AP2A2: variants seen among roughly 807,000 people sequenced by gnomAD.
AP2A2 encodes AP-2 complex subunit alpha-2.
A neutral mutation model predicts 104.2 loss-of-function variants in AP2A2; 32 were observed. The ratio of observed to expected loss-of-function variants is 0.31; its 90% CI spans 0.23 to 0.41. The LOEUF is 0.41. Ranked by LOEUF, AP2A2 falls within the 10% of genes least tolerant of loss-of-function variation. The probability of loss-of-function intolerance (pLI) is 1.00; values close to 1 mark genes in which losing one functional copy is unlikely to be tolerated. For synonymous variants in AP2A2, 539 were observed against 533.3 expected, an observed-to-expected ratio of 1.01 and a Z score of -0.15; for missense variants, 912 against 1,261.0, an observed-to-expected ratio of 0.72 and a Z score of 4.19.
At chr11:954,920 A>G (rs185798221) in intron 1 of AP2A2, among the ~76,000 whole-genome samples, 5 of 152,318 alleles carry the variant, frequency 3.3e-5, no homozygotes, top group Admixed American at 3.3e-4. Flanking sequence ...ACAACCTTAT[A>G]TAAAATCTGT....
At chr11:963,263 T>TA (rs1854499622) in intron 2 of AP2A2, among the ~76,000 whole-genome samples, 1 of 151,822 alleles carries the variant, frequency 6.6e-6, no homozygotes, top group Non-Finnish European at 1.5e-5. Flanking sequence ...CCGTGTCTAT[T>TA]AAAGATACAA....
At chr11:988,832 T>A in intron 10 of AP2A2, 143 bp downstream of exon 10, 1 of 1,117,128 alleles carries the variant, frequency 9.0e-7, no homozygotes, top group Non-Finnish European at 1.3e-6. Flanking sequence ...TCTGCCTCTG[T>A]GTTTTCATCC....
rs369564159 is a variant in AP2A2, at chr11:993,423, G to T, written c.1550+42G>T. On this transcript the variant is annotated intron_variant, in intron 12 of 21. Coordinates refer to ENST00000448903, the MANE Select transcript of AP2A2 (RefSeq NM_012305.4). The surrounding 1 kb of genome is among the most constrained non-coding windows in gnomAD (Gnocchi z 8.2). ...GAGTCGGGGCTGTGTGCGCTCCGGCGGGCCTCTCGGTGGTCGGTGGCAAGA... is the reference window on the plus strand; with the variant it reads ...GAGTCGGGGCTGTGTGCGCTCCGGCTGGCCTCTCGGTGGTCGGTGGCAAGA... The T allele has an allele frequency of 4.7e-6, 7 of 1,491,162 alleles. No individual in the cohort carries two copies. Among genetic ancestry groups the T allele is most frequent in the Non-Finnish European group, 6.3e-6 (7 of 1,112,282 alleles). The allele number at this position is 1,491,162 out of a possible 1,614,324, so 92.4% of individuals were successfully genotyped here. A position where few individuals can be genotyped will look rare whatever the true frequency, so the allele number is the denominator to read the frequency against.
Position 968,375 on chromosome 11 carries a change from G to T in AP2A2, c.137-1794G>T, listed in dbSNP as rs902626855. Among the ~76,000 whole-genome samples the T allele has an allele frequency of 6.6e-6, 1 of 152,078 alleles. No individual in the cohort carries two copies. The highest frequency in any genetic ancestry group is 1.5e-5 in the Non-Finnish European group (1 of 68,002). Reference sequence around the variant, plus strand: ...GCAGCTCTTCGTCTGGGGTCCCGCGGGAGCAGAGGCTGGTCGGCTCCTCTC... The same window carrying T: ...GCAGCTCTTCGTCTGGGGTCCCGCGTGAGCAGAGGCTGGTCGGCTCCTCTC... On this transcript the variant is annotated intron_variant, in intron 2 of 21. Transcript: ENST00000448903. The surrounding 1 kb of genome is among the most constrained non-coding windows in gnomAD (Gnocchi z 4.2).
In AP2A2 at chr11:994,174, G is replaced by A; in HGVS notation, c.1885G>A (p.Asp629Asn). Residue 629 changes from aspartate to asparagine, a missense_variant, in exon 14 of 22, where the codon GAC (aspartate) becomes AAC (asparagine). This residue lies in a region of AP2A2 where 105 missense variants were observed against 90.9 expected (regional missense o/e 1.16). Transcript: ENST00000448903. ...KGPSTVTDLE[D>N]TKRDRSVDVN... The stretch of plus-strand genomic sequence containing the variant: ...CCCCAGCACGGTGACAGACCTGGAG[G>A]ACACCAAGCGGGACAGGAGTGTGGA... 1 of 1,613,078 alleles carries A rather than the reference G, an allele frequency of 6.2e-7. No individual in the cohort carries two copies. Among genetic ancestry groups the A allele is most frequent in the Non-Finnish European group, 8.5e-7 (1 of 1,179,854 alleles).
chr11:957,213 A>G (rs967690442), intron 1 of AP2A2, among the ~76,000 whole-genome samples: 1 of 152,200 alleles, frequency 6.6e-6, no homozygotes, highest in Non-Finnish European at 1.5e-5. Flanking sequence ...TGCGTAGGGC[A>G]TGGTACCGGG....
intron 2 of AP2A2, among the ~76,000 whole-genome samples, chr11:965,819 C>T (rs891081317): frequency 1.3e-5 from 2 of 152,238 alleles, no homozygotes; most frequent in Admixed American, 6.5e-5. Context: ...GTTGTGTTCT[C>T]ATACTCTACA....
At chr11:947,716 G>A (rs780304258) in intron 1 of AP2A2, among the ~76,000 whole-genome samples, 3 of 152,196 alleles carry the variant, frequency 2.0e-5, no homozygotes, top group Non-Finnish European at 4.4e-5. Context: ...TAATCCCAGC[G>A]CTTTTGGGAG....
intron 17 of AP2A2, 77 bp downstream of exon 17, chr11:1,006,694 TG>T: frequency 8.5e-7 from 1 of 1,183,146 alleles, no homozygotes. Flanking sequence ...GGAAGTTTTT[TG>T]GTTTTCTTAT....
At chr11:933,224 C>T (rs118016829) in intron 1 of AP2A2, among the ~76,000 whole-genome samples, 10,430 of 152,140 alleles carry the variant, frequency 0.069, 434 homozygotes, top group South Asian at 0.11. Context: ...GCCAAGATTG[C>T]GCCACTGCAC....
At chr11:941,844 C>T (rs10902236) in intron 1 of AP2A2, among the ~76,000 whole-genome samples, 5,469 of 152,216 alleles carry the variant, frequency 0.036, 123 homozygotes, top group Middle Eastern at 0.071. Context: ...GCCTTGGCCT[C>T]CCAAAGTGGT....
At chr11:956,620 C>G (rs1454513766) in intron 1 of AP2A2, among the ~76,000 whole-genome samples, 1 of 152,142 alleles carries the variant, frequency 6.6e-6, no homozygotes, top group Non-Finnish European at 1.5e-5. Context: ...ACAGCTGGTC[C>G]AGGTAGAGTT....
chr11:995,010 G>T (rs1289527797), intron 14 of AP2A2, among the ~76,000 whole-genome samples: 2 of 151,908 alleles, frequency 1.3e-5, no homozygotes, highest in East Asian at 3.9e-4. Flanking sequence ...CTGTCCCGGG[G>T]GCCACTGTCC....
Position 1,010,802 on chromosome 11 carries a change from C to G in AP2A2, c.*177C>G. The G allele has an allele frequency of 1.5e-6, 1 of 676,110 alleles. No homozygotes were observed. Among genetic ancestry groups the G allele is most frequent in the South Asian group, 1.6e-5 (1 of 62,344 alleles). 41.9% of individuals were successfully genotyped at this position (676,110 alleles called of 1,614,324 possible). On this transcript the variant is annotated 3_prime_UTR_variant, in exon 22 of 22. Transcript: ENST00000448903. Reference sequence around the variant, plus strand: ...TGGACGGGAACACACGTGTGTGGCTCAGGAGGAAAAGCTCAGCCTGGACTG... The same window carrying G: ...TGGACGGGAACACACGTGTGTGGCTGAGGAGGAAAAGCTCAGCCTGGACTG...
In AP2A2 at chr11:1,000,462, G is replaced by T; in HGVS notation, c.1987G>T (p.Gly663Cys). The change falls in exon 15 of 22, where the codon GGT (glycine) becomes TGT (cysteine). Residue 663 changes from glycine (G) to cysteine (C), a missense_variant. Physicochemically the swap from Gly to Cys is radical, Grantham distance 159. This residue lies in a region of AP2A2 where 105 missense variants were observed against 90.9 expected (regional missense o/e 1.16). Coordinates refer to ENST00000448903, the MANE Select transcript of AP2A2 (RefSeq NM_012305.4). ...GCCTTCTCCGTCGGCAGACCTGCTG[G>T]GTCTCGGGGCTGCCCCCCCTGCCCC... ...STPSPSADLL[G>C]LGAAPPAPAG... 1 of 1,542,504 alleles carries T rather than the reference G, an allele frequency of 6.5e-7. No individual in the cohort carries two copies.
intron 1 of AP2A2, among the ~76,000 whole-genome samples, chr11:933,812 A>C (rs1853365388): frequency 6.6e-6 from 1 of 152,124 alleles, no homozygotes; most frequent in African/African-American, 2.4e-5. Flanking sequence ...CCAGCTTTGC[A>C]CGCTTTTTCC....
intron 15 of AP2A2, among the ~76,000 whole-genome samples, chr11:1,002,831 T>G (rs1856070991): frequency 6.6e-6 from 1 of 152,250 alleles, no homozygotes; most frequent in Admixed American, 6.5e-5. Context: ...GAGGTGGAGA[T>G]TTCAGAATTA....
In AP2A2 at chr11:968,433, C is replaced by CCCATCCCCGTCT. The variant is rs1564798796; in HGVS notation, c.137-1724_137-1713dup. On this transcript the variant is annotated intron_variant, in intron 2 of 21. Coordinates refer to ENST00000448903, the MANE Select transcript of AP2A2 (RefSeq NM_012305.4). The surrounding 1 kb of genome is among the most constrained non-coding windows in gnomAD (Gnocchi z 4.2). The stretch of plus-strand genomic sequence containing the variant: ...GCCTGTCTCCGTCTCCGCCCCTGTT[C>CCCATCCCCGTCT]CCATCCCCGTCTCCATCCCCGTCCC... Among the ~76,000 whole-genome samples, 1 of 114,002 alleles carries CCCATCCCCGTCT rather than the reference C, an allele frequency of 8.8e-6. No individual in the cohort carries two copies. Among genetic ancestry groups the CCCATCCCCGTCT allele is most frequent in the African/African-American group, 2.9e-5 (1 of 34,980 alleles). The allele number at this position is 114,002 out of a possible 152,430, so 74.8% of individuals were successfully genotyped here.
intron 1 of AP2A2, among the ~76,000 whole-genome samples, chr11:939,420 G>A (rs1853571116): frequency 6.6e-6 from 1 of 151,802 alleles, no homozygotes; most frequent in African/African-American, 2.4e-5. Context: ...ACTATTTATG[G>A]GTGTTCTTTC....
Sources: gnomAD v4.1 joint callset for allele counts (sites outside exome capture counted in the v4.1 genomes callset) on GRCh38, gnomAD v4.1.1 for gene constraint, gnomAD v4.1.1 regional missense constraint, Gnocchi (gnomAD v3.1) non-coding constraint, MANE v1.5 for transcripts, NCBI Gene and HGNC (gene_info 2026-07-23, HGNC 2026-07-21) for gene names.